OSBPL9: variants seen among roughly 807,000 people sequenced by gnomAD.
OSBPL9 encodes the protein oxysterol binding protein like 9, also known as oxysterol-binding protein-related protein 9.
A neutral mutation model predicts 106.6 loss-of-function variants in OSBPL9; 40 were observed. The observed-to-expected ratio is 0.38, with a 90% CI of 0.29 to 0.49. The LOEUF (loss-of-function observed/expected upper bound fraction) is 0.49. Among genes scored for constraint, OSBPL9 ranks in the 20% least tolerant of loss-of-function variants. OSBPL9 has a pLI of 0.97. For missense variants in OSBPL9, 609 were observed against 887.2 expected (o/e 0.69, Z 3.98); for synonymous variants, 269 against 295.4 (o/e 0.91, Z 0.92).
intron 6 of OSBPL9, among the ~76,000 whole-genome samples, chr1:51,748,017 C>G (rs1668393075): frequency 6.6e-6 from 1 of 152,104 alleles, no homozygotes; most frequent in Non-Finnish European, 1.5e-5. Context: ...TCTCGATCTC[C>G]TGACCTCATG....
upstream of OSBPL9, chr1:51,617,017 A>AAC: frequency 6.3e-5 from 88 of 1,405,446 alleles, no homozygotes; most frequent in Non-Finnish European, 7.6e-5. Context: ...CCCGCCCAGG[A>AAC]CCCGCCCCGC....
chr1:51,767,936 CT>C (rs869092922), intron 12 of OSBPL9, among the ~76,000 whole-genome samples: 4,563 of 64,768 alleles, frequency 0.07, 21 homozygotes, highest in Middle Eastern at 0.12. Flanking sequence ...TAAAGACCGT[CT>C]TTTTTTTTTT....
At chr1:51,688,550 G>A (rs1313218437) in intron 3 of OSBPL9, among the ~76,000 whole-genome samples, 1 of 152,090 alleles carries the variant, frequency 6.6e-6, no homozygotes, top group African/African-American at 2.4e-5. Context: ...CTAGGAGTTC[G>A]AGGCTGCTGT....
At chr1:51,654,606 T>C (rs567989082) in intron 2 of OSBPL9, among the ~76,000 whole-genome samples, 1 of 152,258 alleles carries the variant, frequency 6.6e-6, no homozygotes, top group East Asian at 1.9e-4. Flanking sequence ...ATTTGCAATA[T>C]TCATAGCATT....
intron 1 of OSBPL9, among the ~76,000 whole-genome samples, chr1:51,624,562 G>A (rs1017612847): frequency 6.6e-6 from 1 of 151,950 alleles, no homozygotes; most frequent in African/African-American, 2.4e-5. Context: ...TCTAGCCTGG[G>A]TGACAGAGTG....
the OSBPL9 span, among the ~76,000 whole-genome samples, chr1:51,530,184 A>AAAAAAAAAAG: frequency 9.7e-6 from 1 of 103,412 alleles, no homozygotes; most frequent in Non-Finnish European, 2.0e-5. Context: ...AAAAAAAAAA[A>AAAAAAAAAAG]AAAAAAAACA....
At chr1:51,670,583 G>A (rs1447188662) in intron 3 of OSBPL9, among the ~76,000 whole-genome samples, 2 of 152,120 alleles carry the variant, frequency 1.3e-5, no homozygotes, top group Non-Finnish European at 2.9e-5. Context: ...GAAAGATGCA[G>A]GTTATATTCA....
intron 1 of OSBPL9, among the ~76,000 whole-genome samples, chr1:51,594,243 A>AAAAT (rs1241060399): frequency 7.2e-5 from 11 of 152,016 alleles, no homozygotes; most frequent in South Asian, 2.1e-4. Context: ...CTAAAAATAA[A>AAAAT]AAATAAATAA....
chr1:51,550,930 A>T, the OSBPL9 span, among the ~76,000 whole-genome samples: 2 of 152,234 alleles, frequency 1.3e-5, no homozygotes, highest in African/African-American at 4.8e-5. Context: ...CATAATAATG[A>T]TAGTAGTGAT....
the OSBPL9 span, among the ~76,000 whole-genome samples, chr1:51,523,957 C>T: frequency 2.0e-5 from 3 of 152,096 alleles, no homozygotes; most frequent in Admixed American, 1.3e-4. Flanking sequence ...GAGGAACTCT[C>T]TGAATACACA....
At chr1:51,643,587 G>T (rs1036888976) in intron 1 of OSBPL9, among the ~76,000 whole-genome samples, 2 of 152,158 alleles carry the variant, frequency 1.3e-5, no homozygotes, top group East Asian at 1.9e-4. Context: ...GCCAAGCAGG[G>T]TCTCTAGAGA....
At chr1:51,630,536 C>T (rs1200686566) in intron 1 of OSBPL9, among the ~76,000 whole-genome samples, 2 of 152,014 alleles carry the variant, frequency 1.3e-5, no homozygotes, top group African/African-American at 4.8e-5. Flanking sequence ...AAATGGTACA[C>T]CTGTATAGGG....
the OSBPL9 span, among the ~76,000 whole-genome samples, chr1:51,548,762 G>A: frequency 1.5e-4 from 23 of 152,176 alleles, no homozygotes; most frequent in Non-Finnish European, 2.8e-4. Flanking sequence ...TCAAAGGTGA[G>A]AGCAGCAGCT....
At chr1:51,660,131 TG>T (rs942181064) in intron 2 of OSBPL9, among the ~76,000 whole-genome samples, 2 of 151,974 alleles carry the variant, frequency 1.3e-5, no homozygotes, top group African/African-American at 4.8e-5. Flanking sequence ...GGTGTCCATA[TG>T]AAAAAAAGAA....
intron 8 of OSBPL9, among the ~76,000 whole-genome samples, chr1:51,753,230 G>C (rs1159605588): frequency 1.3e-5 from 2 of 152,090 alleles, no homozygotes; most frequent in Non-Finnish European, 2.9e-5. Context: ...AAAGAGCGTG[G>C]ATTATGGCCC....
At chr1:51,683,638 C>T (rs1653100845) in intron 3 of OSBPL9, among the ~76,000 whole-genome samples, 1 of 151,862 alleles carries the variant, frequency 6.6e-6, no homozygotes, top group Non-Finnish European at 1.5e-5. Context: ...ACCAAAAATA[C>T]AAAACTTAGC....
chr1:51,596,999 G>A (rs1645303471), intron 1 of OSBPL9, among the ~76,000 whole-genome samples: 1 of 152,160 alleles, frequency 6.6e-6, no homozygotes. Flanking sequence ...GGAGAGGAAA[G>A]GGGGTCAGGG....
chr1:51,556,439 A>C, the OSBPL9 span, among the ~76,000 whole-genome samples: 1 of 152,186 alleles, frequency 6.6e-6, no homozygotes, highest in South Asian at 2.1e-4. Context: ...TCATGGAGTT[A>C]GAGAGCAGAA....
At chr1:51,752,316 A>G (rs1669426322) in intron 8 of OSBPL9, among the ~76,000 whole-genome samples, 1 of 149,776 alleles carries the variant, frequency 6.7e-6, no homozygotes. Context: ...GATTGCCACT[A>G]GGCTCACTCT....
Sources: allele counts gnomAD v4.1 joint callset (sites outside exome capture counted in the v4.1 genomes callset), GRCh38; gene constraint gnomAD v4.1.1; transcripts MANE v1.5; gene names NCBI Gene and HGNC (gene_info 2026-07-23, HGNC 2026-07-21).